Variants in MYO15B observed in about 807,000 individuals in gnomAD.
The protein encoded by MYO15B is myosin XVB pseudogene.
A neutral mutation model predicts 119.3 loss-of-function variants in MYO15B; 207 were observed. The ratio of observed to expected loss-of-function variants is 1.73; its 90% CI spans 1.55 to 1.95. The LOEUF is 1.95. Ranked by LOEUF, MYO15B falls within the 30% of genes most tolerant of loss-of-function variation. The pLI is 0.00. For missense variants in MYO15B, 2,264 were observed against 1,203.1 expected, an observed-to-expected ratio of 1.88 and a Z score of -13.04; for synonymous variants, 966 against 498.9, an observed-to-expected ratio of 1.94 and a Z score of -12.48.
chr17:75,620,178 G>C (rs2058625335), intron 47 of MYO15B, 68 bp from the exon 48 acceptor site: 1 of 699,976 alleles, frequency 1.4e-6, no homozygotes, highest in Non-Finnish European at 2.6e-6. Context: ...AGGGGGAGCA[G>C]GTGGGCAGGC....
exon 31 of MYO15B, chr17:75,614,673 G>A (rs545423115): frequency 1.4e-6 from 1 of 701,848 alleles, no homozygotes; most frequent in South Asian, 1.5e-5. Context: ...TGCCCAGCAG[G>A]GACCACACAG....
chr17:75,613,843 T>C (rs998171814), intron 29 of MYO15B, 66 bp downstream of exon 29: 4 of 637,132 alleles, frequency 6.3e-6, no homozygotes, highest in Non-Finnish European at 1.1e-5. Context: ...CTCCTCCTTC[T>C]CCAAGCCCAG....
At chr17:75,599,377 C>A (rs1005287487) in intron 14 of MYO15B, among the ~76,000 whole-genome samples, 1 of 152,050 alleles carries the variant, frequency 6.6e-6, no homozygotes, top group Admixed American at 6.6e-5. Context: ...CGGGTTGACG[C>A]CATTCTACTG....
intron 14 of MYO15B, among the ~76,000 whole-genome samples, chr17:75,597,575 C>G (rs1376856943): frequency 6.6e-6 from 1 of 152,158 alleles, no homozygotes; most frequent in African/African-American, 2.4e-5. Flanking sequence ...AAAATTAGAC[C>G]CAGTCTCTCC....
At position 75,612,026 on chromosome 17, in the gene MYO15B, C is replaced by T; in HGVS notation, c.4635+10C>T. ...CGCCATCGGCTTTCAGGTGGGCGCC[C>T]AGGCCTAAGCTCTTCCCGCTGGCCT... On this transcript the variant is annotated intron_variant, in intron 25 of 63. Coordinates refer to ENST00000645453, the Ensembl canonical transcript of MYO15B. 1 of 702,884 alleles carries T rather than the reference C, an allele frequency of 1.4e-6. No individual in the cohort carries two copies. Among genetic ancestry groups the T allele is most frequent in the Non-Finnish European group, 2.6e-6 (1 of 384,904 alleles). 43.5% of individuals were successfully genotyped at this position (702,884 alleles called of 1,614,324 possible).
chr17:75,591,890 C>T lies in MYO15B; in HGVS notation c.2548-87C>T, dbSNP rs567690518. 60 of 673,010 alleles carry T rather than the reference C, an allele frequency of 8.9e-5. No individual in the cohort carries two copies. The East Asian group carries it at 1.0e-3, about 12-fold the overall frequency. The allele number at this position is 673,010 out of a possible 1,614,324, so 41.7% of individuals were successfully genotyped here. A position where few individuals can be genotyped will look rare whatever the true frequency, so the allele number is the denominator to read the frequency against. On this transcript the variant is annotated intron_variant, in intron 5 of 63. Coordinates refer to ENST00000645453, the Ensembl canonical transcript of MYO15B. ...GCACTGCCCTTTCTGATGGGACTGA[C>T]GCCTCCCTGGACCTGCCCCTAGCTG...
At chr17:75,626,258 G>C (rs372936580) in intron 63 of MYO15B, 30 bp downstream of exon 63, 2 of 701,390 alleles carry the variant, frequency 2.9e-6, no homozygotes, top group Non-Finnish European at 5.2e-6. Context: ...GCCACCTTGC[G>C]AAGGTGGATG....
At position 75,613,393 on chromosome 17, in the gene MYO15B, G is replaced by A. The variant is rs1230893447; in HGVS notation, c.5068G>A (p.Ala1690Thr). The A allele has an allele frequency of 6.8e-5, 46 of 672,410 alleles. No homozygotes were observed. The East Asian group carries it at 1.2e-3, about 18-fold the overall frequency. The allele number at this position is 672,410 out of a possible 1,614,324, so 41.7% of individuals were successfully genotyped here. A position where few individuals can be genotyped will look rare whatever the true frequency, so the allele number is the denominator to read the frequency against. The change falls in exon 28 of 64, where the codon GCC (alanine) becomes ACC (threonine). Residue 1690 changes from alanine to threonine, a missense_variant. Coordinates refer to ENST00000645453, the Ensembl canonical transcript of MYO15B. Reference sequence around the variant, plus strand: ...GCAGCTGGCCTCGGGGGCCACTCGGGCCCACCCCCCGACCCAGCTGGAGTG... The same window carrying A: ...GCAGCTGGCCTCGGGGGCCACTCGGACCCACCCCCCGACCCAGCTGGAGTG...
At chr17:75,600,152 G>A (rs1412699820) in intron 14 of MYO15B, among the ~76,000 whole-genome samples, 4 of 149,120 alleles carry the variant, frequency 2.7e-5, no homozygotes, top group South Asian at 2.1e-4. Context: ...TCAGCCTCCC[G>A]AGTAGCTGGG....
intron 56 of MYO15B, 37 bp from the exon 57 acceptor site, chr17:75,624,333 A>C: frequency 1.4e-6 from 1 of 702,706 alleles, no homozygotes; most frequent in Non-Finnish European, 2.6e-6. Flanking sequence ...CCTACAGGAG[A>C]CCACTGGCCG....
At chr17:75,622,205 G>C (rs193258148) in intron 53 of MYO15B, 125 bp downstream of exon 53, 1 of 636,922 alleles carries the variant, frequency 1.6e-6, no homozygotes, top group Non-Finnish European at 2.9e-6. Context: ...CACCCATTGC[G>C]TGCAGGGGGG....
intron 19 of MYO15B, among the ~76,000 whole-genome samples, chr17:75,604,271 C>G (rs888929048): frequency 6.6e-6 from 1 of 152,150 alleles, no homozygotes; most frequent in Non-Finnish European, 1.5e-5. Context: ...CTCCACCCAG[C>G]ACAGACCAGG....
exon 5 of MYO15B, chr17:75,591,710 C>G: frequency 1.4e-6 from 1 of 702,944 alleles, no homozygotes; most frequent in Non-Finnish European, 2.6e-6. Flanking sequence ...CCGAGAGTGT[C>G]AGGTGAGGGC....
exon 60 of MYO15B, chr17:75,625,198 C>T (rs2058963000): frequency 1.4e-6 from 1 of 702,618 alleles, no homozygotes; most frequent in Non-Finnish European, 2.6e-6. Flanking sequence ...GCTGGCCGCC[C>T]TGCAGCACCT....
At chr17:75,601,360 G>T (rs1393472042) in intron 14 of MYO15B, 78 bp from the exon 15 acceptor site, 2 of 681,034 alleles carry the variant, frequency 2.9e-6, no homozygotes, top group Non-Finnish European at 5.4e-6. Flanking sequence ...GGCAGTACTC[G>T]TGCTCACCGG....
At chr17:75,625,457 G>A (rs1264153869) in intron 60 of MYO15B, 70 bp from the exon 61 acceptor site, 4 of 692,792 alleles carry the variant, frequency 5.8e-6, no homozygotes, top group South Asian at 1.5e-5. Context: ...CTGGTTATTT[G>A]GCACGTGCTG....
intron 14 of MYO15B, among the ~76,000 whole-genome samples, chr17:75,598,884 G>A (rs573291571): frequency 1.6e-3 from 243 of 152,174 alleles, no homozygotes; most frequent in African/African-American, 4.5e-3. Flanking sequence ...ATATCACTTA[G>A]GTCTATGTTA....
chr17:75,613,201 A>G (rs936995612), exon 27 of MYO15B: 2 of 694,662 alleles, frequency 2.9e-6, no homozygotes, highest in African/African-American at 1.8e-5. Flanking sequence ...TACAGAAGCC[A>G]CTGCTCAAGT....
At chr17:75,597,364 C>T (rs190496384) in intron 14 of MYO15B, among the ~76,000 whole-genome samples, 70 of 152,362 alleles carry the variant, frequency 4.6e-4, no homozygotes, top group Admixed American at 1.4e-3. Flanking sequence ...ATAGCAGCCT[C>T]GTCCCTGTTT....
Sources: allele counts gnomAD v4.1 joint callset (sites outside exome capture counted in the v4.1 genomes callset), GRCh38; gene constraint gnomAD v4.1.1; transcripts MANE v1.5; gene names NCBI Gene and HGNC (gene_info 2026-07-23, HGNC 2026-07-21).